The following MRPL51 variants were observed in gnomAD, a reference collection of about 807,000 sequenced individuals.
The protein encoded by MRPL51 is large ribosomal subunit protein mL51.
Under a neutral mutation model 15.0 loss-of-function variants are expected in MRPL51, and 6 were observed. The observed-to-expected ratio is 0.40, with a 90% CI of 0.22 to 0.79. MRPL51 has a LOEUF of 0.79. Among genes scored for constraint, MRPL51 ranks in the 30% least tolerant of loss-of-function variants. The pLI, the probability that MRPL51 is intolerant of heterozygous loss-of-function variation, is 0.36. For synonymous variants in MRPL51, 65 were observed against 58.3 expected (o/e 1.11, Z -0.52); for missense variants, 155 against 166.4 (o/e 0.93, Z 0.38).
chr12:6,492,947 C>T lies in MRPL51; in HGVS notation c.105G>A (p.Arg35=). 6.2e-7 allele frequency: 1 copy of T among 1,614,048 alleles called. No individual in the cohort carries two copies. The highest frequency in any genetic ancestry group is 8.5e-7 in the Non-Finnish European group (1 of 1,179,974). ...SLGVPRLIGI[R]LTLPPPKVVD... is the part of the protein sequence containing the mutation. The stretch of plus-strand genomic sequence containing the variant: ...CCACTTTGGGGGGCGGGAGAGTGAG[C>T]CTTATACCGATCAATCTAGGCACAC... Residue 35 remains arginine (R), a synonymous_variant, in exon 2 of 3, where the codon AGG becomes AGA. Coordinates refer to ENST00000229238, the MANE Select transcript of MRPL51 (RefSeq NM_016497.4).
intron 2 of MRPL51, among the ~76,000 whole-genome samples, 160 bp downstream of exon 2, chr12:6,492,702 G>A (rs1366253931): frequency 6.6e-6 from 1 of 152,128 alleles, no homozygotes; most frequent in East Asian, 1.9e-4. Context: ...AAAATTATAC[G>A]AGGGGACTCA....
At position 6,493,216 on chromosome 12, in the gene MRPL51, A is replaced by G. The variant is rs889047826; in HGVS notation, c.-80T>C. 1.3e-6 allele frequency: 2 copies of G among 1,494,702 alleles called. No homozygotes were observed. Among genetic ancestry groups the G allele is most frequent in the African/African-American group, 1.4e-5 (1 of 71,696 alleles). 92.6% of individuals were successfully genotyped at this position (1,494,702 alleles called of 1,614,324 possible). ...GAACCGTCCCCGCCAACTTCACACGAGTACTAAGGCGAAGACAGCCATCTT... is the reference window on the plus strand; with the variant it reads ...GAACCGTCCCCGCCAACTTCACACGGGTACTAAGGCGAAGACAGCCATCTT... On this transcript the variant is annotated 5_prime_UTR_variant, in exon 1 of 3. Transcript: ENST00000229238.
Sources: allele counts gnomAD v4.1 joint callset (sites outside exome capture counted in the v4.1 genomes callset), GRCh38; gene constraint gnomAD v4.1.1; transcripts MANE v1.5; gene names NCBI Gene and HGNC (gene_info 2026-07-23, HGNC 2026-07-21).